The following ZNF184 variants were observed in gnomAD, a reference collection of about 807,000 sequenced individuals.
ZNF184 encodes the protein zinc finger protein 184.
ZNF184 carries 16 observed loss-of-function variants against 54.4 expected under a neutral mutation model. The observed-to-expected ratio is 0.29, with a 90% CI of 0.20 to 0.45. The LOEUF (loss-of-function observed/expected upper bound fraction) is 0.45, where lower values mean the gene tolerates loss of function less well. Ranked by LOEUF, ZNF184 falls within the 20% of genes least tolerant of loss-of-function variation. ZNF184 has a pLI of 1.00. For synonymous variants in ZNF184, 254 were observed against 295.3 expected (o/e 0.86, Z 1.43); for missense variants, 681 against 888.2 (o/e 0.77, Z 2.97).
chr6:27,429,654 T>C, the ZNF184 span, among the ~76,000 whole-genome samples: 2 of 152,184 alleles, frequency 1.3e-5, no homozygotes, highest in Non-Finnish European at 2.9e-5. Context: ...CTCATTTCCT[T>C]ACACACCCAG....
chr6:27,420,721 T>G, the ZNF184 span, among the ~76,000 whole-genome samples: 1 of 152,214 alleles, frequency 6.6e-6, no homozygotes, highest in Non-Finnish European at 1.5e-5. Flanking sequence ...GTACAGCCAC[T>G]GTGGAAGACA....
downstream of ZNF184, among the ~76,000 whole-genome samples, chr6:27,446,490 C>T (rs550182207): frequency 2.8e-4 from 42 of 152,334 alleles, no homozygotes; most frequent in African/African-American, 7.7e-4. Flanking sequence ...CTTCCTCCAC[C>T]TAGATTTCAA....
chr6:27,465,016 CAA>C (rs61602778), intron 3 of ZNF184, among the ~76,000 whole-genome samples: 8 of 48,944 alleles, frequency 1.6e-4, no homozygotes, highest in African/African-American at 6.9e-4. Context: ...GACTCTGTCT[CAA>C]AAAAAAAAAA....
At chr6:27,415,434 A>C in the ZNF184 span, among the ~76,000 whole-genome samples, 2 of 152,308 alleles carry the variant, frequency 1.3e-5, no homozygotes, top group South Asian at 4.1e-4. Flanking sequence ...CTTTCAAGAA[A>C]AAAATGCTTT....
chr6:27,425,492 A>G, the ZNF184 span, among the ~76,000 whole-genome samples: 2 of 152,270 alleles, frequency 1.3e-5, no homozygotes, highest in Non-Finnish European at 2.9e-5. Flanking sequence ...TACTTCAGGA[A>G]TAAATGAAAG....
At position 27,453,096 on chromosome 6, in the gene ZNF184, C is replaced by T; in HGVS notation, c.463G>A (p.Ala155Thr). Reference sequence around the variant, plus strand: ...TCCTTTGGCAGTGTCTGTTGGTTTGCCTGCTGTCTCTCTAAACTGCCTTCA... The same window carrying T: ...TCCTTTGGCAGTGTCTGTTGGTTTGTCTGCTGTCTCTCTAAACTGCCTTCA... The part of the protein sequence containing the change: ...EYEGSLERQQ[A>T]NQQTLPKEIK... The change falls in exon 6 of 6, where the codon GCA (alanine) becomes ACA (threonine). Residue 155 changes from alanine (A) to threonine (T), a missense_variant. Coordinates refer to ENST00000683788, the MANE Select transcript of ZNF184 (RefSeq NM_001318891.2). The surrounding 1 kb of genome is among the most constrained non-coding windows in gnomAD (Gnocchi z 4.7). 6.2e-7 allele frequency: 1 copy of T among 1,614,008 alleles called. No individual in the cohort carries two copies. Among genetic ancestry groups the T allele is most frequent in the Non-Finnish European group, 8.5e-7 (1 of 1,179,976 alleles).
Position 27,461,363 on chromosome 6 carries a change from T to C in ZNF184, c.76-3954A>G, listed in dbSNP as rs75939587. Among the ~76,000 whole-genome samples the C allele has an allele frequency of 2.0e-5, 3 of 152,314 alleles. No individual in the cohort carries two copies. The East Asian group carries it at 5.8e-4, about 29-fold the overall frequency. On this transcript the variant is annotated intron_variant, in intron 3 of 5. Transcript: ENST00000683788. ...CTCTTTTGTATGCTTTGCTGTAATA[T>C]TTGTTAGCCATGATTTATGCTACTG... is the stretch of plus-strand genomic sequence containing the variant.
At chr6:27,460,663 G>A (rs535500744) in intron 3 of ZNF184, among the ~76,000 whole-genome samples, 4 of 152,332 alleles carry the variant, frequency 2.6e-5, no homozygotes, top group African/African-American at 9.6e-5. Flanking sequence ...AGATACTGGA[G>A]AGGAGGGAGC....
chr6:27,469,718 A>C (rs1763227966), intron 2 of ZNF184, among the ~76,000 whole-genome samples: 1 of 152,214 alleles, frequency 6.6e-6, no homozygotes, highest in Non-Finnish European at 1.5e-5. Context: ...GCTTGGTAAA[A>C]ACTAAGAAAA....
In ZNF184 at chr6:27,467,718, C is replaced by A. The variant is rs1480488342; in HGVS notation, c.75+135G>T. ...AGCTGGAGAGGCACAGCTAGGAATG[C>A]GGTTACTAGACAGATGAGAGCCCAG... On this transcript the variant is annotated intron_variant, in intron 3 of 5. Coordinates refer to ENST00000683788, the MANE Select transcript of ZNF184 (RefSeq NM_001318891.2). 7 of 689,658 alleles carry A rather than the reference C, an allele frequency of 1.0e-5. No individual in the cohort carries two copies. In the Admixed American group the frequency reaches 2.4e-4, roughly 23 times the overall value. The allele number at this position is 689,658 out of a possible 1,614,324, so 42.7% of individuals were successfully genotyped here. A position where few individuals can be genotyped will look rare whatever the true frequency, so the allele number is the denominator to read the frequency against.
At chr6:27,435,809 G>A in the ZNF184 span, among the ~76,000 whole-genome samples, 1 of 151,254 alleles carries the variant, frequency 6.6e-6, no homozygotes, top group African/African-American at 2.4e-5. Context: ...TTGGCCCAAG[G>A]GTCCCTCTTT....
At chr6:27,456,422 A>G (rs1762854736) in intron 5 of ZNF184, among the ~76,000 whole-genome samples, 1 of 152,208 alleles carries the variant, frequency 6.6e-6, no homozygotes, top group Admixed American at 6.5e-5. Context: ...GAGTAAATCT[A>G]TTTGGAAATA....
At chr6:27,442,870 G>GAAAGAAAAAGAAAA in the ZNF184 span, among the ~76,000 whole-genome samples, 43 of 30,716 alleles carry the variant, frequency 1.4e-3, no homozygotes, top group African/African-American at 4.7e-3. Flanking sequence ...AAGAAAGAAA[G>GAAAGAAAAAGAAAA]AAAGAAAGAA....
the ZNF184 span, among the ~76,000 whole-genome samples, chr6:27,421,725 T>A: frequency 2.6e-5 from 4 of 152,330 alleles, no homozygotes; most frequent in South Asian, 8.3e-4. Context: ...GTTTGGTGAT[T>A]GCGTGGTCCC....
the ZNF184 span, among the ~76,000 whole-genome samples, chr6:27,434,161 C>T: frequency 1.1e-3 from 161 of 152,268 alleles, no homozygotes; most frequent in African/African-American, 3.7e-3. Flanking sequence ...GCTAAGACTA[C>T]ATTTGCTTTC....
At chr6:27,404,872 C>A in the ZNF184 span, 1 of 152,240 alleles carries the variant, frequency 6.6e-6, no homozygotes, top group Non-Finnish European at 1.5e-5. Flanking sequence ...CAAAAATTAG[C>A]CAGGCGTGGT....
chr6:27,413,849 C>A, the ZNF184 span, among the ~76,000 whole-genome samples: 30 of 152,346 alleles, frequency 2.0e-4, no homozygotes, highest in South Asian at 6.0e-3. Flanking sequence ...GGGTTTGAAA[C>A]TGGACCTTTC....
the ZNF184 span, chr6:27,407,573 C>T: frequency 4.7e-5 from 23 of 489,590 alleles, no homozygotes; most frequent in African/African-American, 1.4e-4. Flanking sequence ...CTTTTACAGA[C>T]AATAGTGGCT....
the ZNF184 span, among the ~76,000 whole-genome samples, chr6:27,419,633 C>T: frequency 6.5e-4 from 99 of 152,242 alleles, 1 homozygote; most frequent in African/African-American, 2.2e-3. This position sits in a 1 kb window ranked among gnomAD's most constrained non-coding sequence, Gnocchi z 4.8. Context: ...CTAGTATCTC[C>T]ATACCTTCAA....
Sources: gnomAD v4.1 joint callset for allele counts (sites outside exome capture counted in the v4.1 genomes callset) on GRCh38, gnomAD v4.1.1 for gene constraint, Gnocchi (gnomAD v3.1) non-coding constraint, MANE v1.5 for transcripts, NCBI Gene and HGNC (gene_info 2026-07-23, HGNC 2026-07-21) for gene names.